Variants in GRIN2A observed in about 807,000 individuals in gnomAD.
GRIN2A encodes the protein glutamate receptor ionotropic, NMDA 2A.
Under a neutral mutation model 113.4 loss-of-function variants are expected in GRIN2A, and 22 were observed. The observed-to-expected ratio is 0.19, with a 90% confidence interval of 0.14 to 0.28. The LOEUF (loss-of-function observed/expected upper bound fraction) is 0.28. Among genes scored for constraint, GRIN2A ranks in the 10% least tolerant of loss-of-function variants. The pLI is 1.00. For synonymous variants in GRIN2A, 827 were observed against 738.4 expected, an observed-to-expected ratio of 1.12 and a Z score of -1.94; for missense variants, 1,502 against 1,887.0, an observed-to-expected ratio of 0.80 and a Z score of 3.78.
chr16:10,125,961 G>A (rs895510526), intron 2 of GRIN2A, among the ~76,000 whole-genome samples: 1 of 152,030 alleles, frequency 6.6e-6, no homozygotes, highest in Non-Finnish European at 1.5e-5. Context: ...GGAGGTGGGA[G>A]ACAAAATGAG....
At chr16:10,109,721 TA>T (rs2048574686) in intron 2 of GRIN2A, among the ~76,000 whole-genome samples, 1 of 152,004 alleles carries the variant, frequency 6.6e-6, no homozygotes. Flanking sequence ...TGAACATTTT[TA>T]AATAACAAAA....
At chr16:9,770,547 A>T (rs553975310) in intron 11 of GRIN2A, among the ~76,000 whole-genome samples, 97 of 152,318 alleles carry the variant, frequency 6.4e-4, no homozygotes, top group African/African-American at 2.2e-3. Context: ...AAAGTTGGCT[A>T]ATCATCTAAT....
At chr16:10,003,759 G>T (rs893542027) in intron 2 of GRIN2A, among the ~76,000 whole-genome samples, 2 of 152,200 alleles carry the variant, frequency 1.3e-5, no homozygotes, top group Non-Finnish European at 2.9e-5. Context: ...GTCTGAGTGG[G>T]CTTATGCAGC....
At chr16:9,996,606 T>C (rs1399707370) in intron 2 of GRIN2A, among the ~76,000 whole-genome samples, 1 of 152,224 alleles carries the variant, frequency 6.6e-6, no homozygotes, top group East Asian at 1.9e-4. Context: ...ACTTCATTTG[T>C]CTACACATAA....
At chr16:10,101,696 T>TCTA (rs2048400259) in intron 2 of GRIN2A, among the ~76,000 whole-genome samples, 1 of 152,190 alleles carries the variant, frequency 6.6e-6, no homozygotes, top group Non-Finnish European at 1.5e-5. Context: ...GGGCTGTCAG[T>TCTA]CTACTTTACC....
At chr16:10,061,732 G>C (rs1464401625) in intron 2 of GRIN2A, among the ~76,000 whole-genome samples, 1 of 152,206 alleles carries the variant, frequency 6.6e-6, no homozygotes, top group African/African-American at 2.4e-5. Context: ...GTGATGAATA[G>C]AACATGTTGG....
chr16:9,986,980 C>A (rs2045990108), intron 2 of GRIN2A, among the ~76,000 whole-genome samples: 1 of 152,040 alleles, frequency 6.6e-6, no homozygotes, highest in Non-Finnish European at 1.5e-5. Context: ...TTCCTTCCAG[C>A]ACCACTGAAT....
chr16:9,834,900 CA>C (rs1301656176), intron 7 of GRIN2A, among the ~76,000 whole-genome samples: 2 of 152,054 alleles, frequency 1.3e-5, no homozygotes, highest in African/African-American at 4.8e-5. Context: ...TAGAACCATC[CA>C]GGGGGCTAAA....
At chr16:9,955,666 T>C (rs1403028264) in intron 2 of GRIN2A, among the ~76,000 whole-genome samples, 2 of 152,240 alleles carry the variant, frequency 1.3e-5, no homozygotes, top group Non-Finnish European at 2.9e-5. Flanking sequence ...CTATGTGTGC[T>C]GTTTTATTTT....
intron 2 of GRIN2A, among the ~76,000 whole-genome samples, chr16:10,007,535 C>T (rs1469852395): frequency 6.6e-6 from 1 of 152,110 alleles, no homozygotes; most frequent in African/African-American, 2.4e-5. Flanking sequence ...TTATTAATCC[C>T]TTGCCAGATG....
rs1567294435 is a variant in GRIN2A, at chr16:10,094,764, TA to T, written c.414+85233del. On this transcript the variant is annotated intron_variant, in intron 2 of 12. Transcript: ENST00000330684. ...TGTGCCTGGCCCAGAAAGCATTTTT[TA>T]AAAGAGGAACCCAGACCCTTGGAGA... Among the ~76,000 whole-genome samples the T allele has an allele frequency of 2.0e-5, 3 of 151,350 alleles. No homozygotes were observed. The Admixed American group carries it at 2.0e-4, about 10-fold the overall frequency.
intron 2 of GRIN2A, among the ~76,000 whole-genome samples, chr16:9,971,768 C>T (rs1477935807): frequency 1.3e-5 from 2 of 151,836 alleles, no homozygotes; most frequent in African/African-American, 4.8e-5. Context: ...AATCTCTTAA[C>T]AGATTCCCTC....
chr16:10,154,497 G>T (rs540662117), intron 2 of GRIN2A, among the ~76,000 whole-genome samples: 6 of 152,258 alleles, frequency 3.9e-5, no homozygotes, highest in African/African-American at 9.6e-5. Flanking sequence ...ATATAAGTTT[G>T]ATAAGGGCAG....
intron 2 of GRIN2A, among the ~76,000 whole-genome samples, chr16:10,117,108 T>G (rs2048742617): frequency 6.6e-6 from 1 of 152,018 alleles, no homozygotes; most frequent in Non-Finnish European, 1.5e-5. Context: ...ACAGGTGAAT[T>G]CAGGACCCAA....
At chr16:9,829,928 G>T (rs1206042091) in intron 8 of GRIN2A, among the ~76,000 whole-genome samples, 1 of 152,180 alleles carries the variant, frequency 6.6e-6, no homozygotes, top group Non-Finnish European at 1.5e-5. Flanking sequence ...GTTTGAATAA[G>T]TAGTGTTATG....
chr16:10,083,672 C>T lies in GRIN2A; in HGVS notation c.414+96326G>A, dbSNP rs546305845. ...CCCCGATCCCTACTCTCCTACCTGACGAATTTATCTTTCAAGACATGCTTT... is the reference window on the plus strand; with the variant it reads ...CCCCGATCCCTACTCTCCTACCTGATGAATTTATCTTTCAAGACATGCTTT... On this transcript the variant is annotated intron_variant, in intron 2 of 12. Coordinates refer to ENST00000330684, the MANE Select transcript of GRIN2A (RefSeq NM_001134407.3). Among the ~76,000 whole-genome samples the T allele has an allele frequency of 5.3e-5, 8 of 152,292 alleles. No individual in the cohort carries two copies. In the South Asian group the frequency reaches 6.2e-4, roughly 12 times the overall value.
intron 2 of GRIN2A, chr16:10,111,497 C>T (rs2048613195): frequency 1.5e-6 from 1 of 688,310 alleles, no homozygotes; most frequent in Admixed American, 2.0e-5. Context: ...CTGATTCTCC[C>T]ATGGTTCATA....
chr16:9,919,563 C>T (rs1040784741), intron 3 of GRIN2A, among the ~76,000 whole-genome samples: 4 of 152,038 alleles, frequency 2.6e-5, no homozygotes, highest in Admixed American at 2.6e-4. Context: ...TTTTGTACCA[C>T]CCTAGGAAAA....
In GRIN2A at chr16:9,810,499, T is replaced by C. The variant is rs866287482; in HGVS notation, c.2168+11765A>G. 3.3e-5 allele frequency among the ~76,000 whole-genome samples: 5 copies of C among 152,246 alleles called. No homozygotes were observed. The South Asian group carries it at 1.0e-3, about 32-fold the overall frequency. The stretch of plus-strand genomic sequence containing the variant: ...GTTTAAGGATCTTGAGATAAAGTCA[T>C]CCTGGATTTAGGGTGGGTCCTAACT... On this transcript the variant is annotated intron_variant, in intron 10 of 12. Coordinates refer to ENST00000330684, the MANE Select transcript of GRIN2A (RefSeq NM_001134407.3).
Sources: allele counts gnomAD v4.1 joint callset (sites outside exome capture counted in the v4.1 genomes callset), GRCh38; gene constraint gnomAD v4.1.1; transcripts MANE v1.5; gene names NCBI Gene and HGNC (gene_info 2026-07-23, HGNC 2026-07-21).